RTL1: variants seen among roughly 807,000 people sequenced by gnomAD.
RTL1 encodes retrotransposon Gag like 1.
For missense variants in RTL1, 1,681 were observed against 1,767.5 expected, an observed-to-expected ratio of 0.95 and a Z score of 0.88; for synonymous variants, 727 against 748.4, an observed-to-expected ratio of 0.97 and a Z score of 0.47.
intron 3 of RTL1, among the ~76,000 whole-genome samples, chr14:100,889,977 C>T (rs564533264): frequency 4.0e-5 from 6 of 151,300 alleles, no homozygotes; most frequent in Non-Finnish European, 5.9e-5. Flanking sequence ...AAATCATATT[C>T]TCAGTCCTTC....
In RTL1 at chr14:100,881,962, C is replaced by T; in HGVS notation, c.2827G>A (p.Glu943Lys). 1.2e-6 allele frequency: 2 copies of T among 1,613,804 alleles called. No individual in the cohort carries two copies. The highest frequency in any genetic ancestry group is 2.2e-5 in the East Asian group (1 of 44,872). Residue 943 changes from glutamate to lysine, a missense_variant, in exon 4 of 4, where the codon GAG becomes AAG. Transcript: ENST00000649591. The surrounding 1 kb of genome is among the most constrained non-coding windows in gnomAD (Gnocchi z 6.6). ...GTGTTGAGAAGGATCATGATGGGCT[C>T]CTCGGTGTTCTCCAGGTAGCGGCAC... is the stretch of plus-strand genomic sequence containing the variant. Reference protein sequence around the residue: ...VWCRYLENTEEPIMILLNTED... With the variant: ...VWCRYLENTEKPIMILLNTED...
rs531857836 is a variant in RTL1, at chr14:100,893,521, A to G, written c.-148-16T>C. On this transcript the variant is annotated splice_polypyrimidine_tract_variant and intron_variant, in intron 2 of 3. Transcript: ENST00000649591. This position sits in a 1 kb window ranked among gnomAD's most constrained non-coding sequence, Gnocchi z 4.2. ...TCGCTGCTTGCTAAAAAGTTATTGAATACATTTGTTTCTTTAATTGTGAAA... is the reference window on the plus strand; with the variant it reads ...TCGCTGCTTGCTAAAAAGTTATTGAGTACATTTGTTTCTTTAATTGTGAAA... Among the ~76,000 whole-genome samples the G allele has an allele frequency of 6.6e-6, 1 of 152,254 alleles. No individual in the cohort carries two copies. Among genetic ancestry groups the G allele is most frequent in the African/African-American group, 2.4e-5 (1 of 41,538 alleles).
In RTL1 at chr14:100,893,497, C is replaced by T. The variant is rs117390867; in HGVS notation, c.-140G>A. Among the ~76,000 whole-genome samples, 2 of 152,260 alleles carry T rather than the reference C, an allele frequency of 1.3e-5. No individual in the cohort carries two copies. Among genetic ancestry groups the T allele is most frequent in the African/African-American group, 4.8e-5 (2 of 41,548 alleles). ...CTCCCGTCCTGTGCCACTCGATCCTCGCTGCTTGCTAAAAAGTTATTGAAT... is the reference window on the plus strand; with the variant it reads ...CTCCCGTCCTGTGCCACTCGATCCTTGCTGCTTGCTAAAAAGTTATTGAAT... On this transcript the variant is annotated 5_prime_UTR_variant, in exon 3 of 4. Transcript: ENST00000649591. This position sits in a 1 kb window ranked among gnomAD's most constrained non-coding sequence, Gnocchi z 4.2.
intron 2 of RTL1, among the ~76,000 whole-genome samples, chr14:100,901,060 G>C (rs2038934828): frequency 6.6e-6 from 1 of 152,216 alleles, no homozygotes; most frequent in African/African-American, 2.4e-5. Flanking sequence ...GCAACACGAT[G>C]CTGCCCCCCC....
rs1203985358 is a variant in RTL1, at chr14:100,883,349, C to A, written c.1440G>T (p.Val480=). The change falls in exon 4 of 4, where the codon GTG becomes GTT. Residue 480 remains valine, a synonymous_variant. Coordinates refer to ENST00000649591, the MANE Select transcript of RTL1 (RefSeq NM_001134888.3). This position sits in a 1 kb window ranked among gnomAD's most constrained non-coding sequence, Gnocchi z 5.9. The part of the protein sequence containing the change: ...EPVWLYTEPL[V]CIHQNHQESI... ...ACTCCTGGTGGTTCTGGTGGATACACACCAGGGGCTCCGTGTAGAGCCAGA... is the reference window on the plus strand; with the variant it reads ...ACTCCTGGTGGTTCTGGTGGATACAAACCAGGGGCTCCGTGTAGAGCCAGA... The A allele has an allele frequency of 6.4e-7, 1 of 1,551,410 alleles. No individual in the cohort carries two copies.
chr14:100,890,074 G>GAAAAAAAAA (rs55688942), intron 3 of RTL1, among the ~76,000 whole-genome samples: 7 of 123,890 alleles, frequency 5.7e-5, no homozygotes, highest in Non-Finnish European at 6.7e-5. Flanking sequence ...CGCCTTATTT[G>GAAAAAAAAA]AAAAAAAAAA....
chr14:100,882,678 G>A lies in RTL1; in HGVS notation c.2111C>T (p.Ala704Val), dbSNP rs1196286736. ...AGGTATGATAGGGTCTGGGGAGAGC[G>A]CAAACGGCTGGTAGCTCTTCATCTC... The part of the protein sequence containing the change: ...LEEMKSYQPF[A>V]LSPDPIIPQN... Residue 704 changes from alanine to valine, a missense_variant, in exon 4 of 4, where the codon GCG becomes GTG. Ala to Val is a moderately conservative substitution (Grantham distance 64, BLOSUM62 0). Transcript: ENST00000649591. 1.4e-5 allele frequency: 21 copies of A among 1,551,774 alleles called. No homozygotes were observed. Among genetic ancestry groups the A allele is most frequent in the East Asian group, 7.3e-5 (3 of 40,924 alleles).
rs747963078 is a variant in RTL1 at position 100,882,278 on chromosome 14, C to A, written c.2511G>T (p.Leu837=). 3.9e-6 allele frequency: 6 copies of A among 1,551,492 alleles called. No homozygotes were observed. Among genetic ancestry groups the A allele is most frequent in the Non-Finnish European group, 4.4e-6 (5 of 1,147,020 alleles). ...CCCAGTAGAACTGGTAGGAGCTCAG[C>A]AGCTGCCGCACCAGGGGCTCTGCGA... ...SIIAEPLVRQ[L]LSSYQFYWGV... The change falls in exon 4 of 4, where the codon CTG becomes CTT. Residue 837 remains leucine (L), a synonymous_variant. Coordinates refer to ENST00000649591, the MANE Select transcript of RTL1 (RefSeq NM_001134888.3).
At position 100,886,606 on chromosome 14, in the gene RTL1, G is replaced by C. The variant is rs140953206; in HGVS notation, c.-86-1732C>G. On this transcript the variant is annotated intron_variant, in intron 3 of 3. Coordinates refer to ENST00000649591, the MANE Select transcript of RTL1 (RefSeq NM_001134888.3). ...TAAGAATCATCATCATCATCATCAT[G>C]ATGTACATAGCACATTGCAGAAATT... Among the ~76,000 whole-genome samples the C allele has an allele frequency of 5.5e-3, 844 of 152,198 alleles. 9 individuals are homozygous for C. Among genetic ancestry groups the C allele is most frequent in the Middle Eastern group, 0.01 (3 of 294 alleles).
Position 100,880,806 on chromosome 14 carries a change from C to G in RTL1, c.3983G>C (p.Arg1328Pro). The change falls in exon 4 of 4, where the codon CGG (arginine) becomes CCG (proline). Residue 1328 changes from arginine (R) to proline (P), a missense_variant. Physicochemically the swap from Arg to Pro is moderately radical, Grantham distance 103. Transcript: ENST00000649591. ...LSQFLTLIYR[R>P]ALPIPAWESQ... Reference sequence around the variant, plus strand: ...CTCCCAGGCGGGGATGGGCAGGGCCCGCCTGTAGATCAGGGTCAGGAACTG... The same window carrying G: ...CTCCCAGGCGGGGATGGGCAGGGCCGGCCTGTAGATCAGGGTCAGGAACTG... The G allele has an allele frequency of 6.4e-7, 1 of 1,550,652 alleles. No homozygotes were observed. The highest frequency in any genetic ancestry group is 8.7e-7 in the Non-Finnish European group (1 of 1,146,958).
intron 3 of RTL1, among the ~76,000 whole-genome samples, chr14:100,887,666 G>T: frequency 6.6e-6 from 1 of 151,860 alleles, no homozygotes; most frequent in Non-Finnish European, 1.5e-5. Flanking sequence ...TGAGGCGGGA[G>T]AATCGCTTGA....
intron 3 of RTL1, among the ~76,000 whole-genome samples, chr14:100,888,970 C>T (rs2038730768): frequency 6.6e-6 from 1 of 152,130 alleles, no homozygotes; most frequent in Admixed American, 6.5e-5. Flanking sequence ...TTTACAATTT[C>T]CAGTGTTTCC....
chr14:100,884,879 T>A lies in RTL1; in HGVS notation c.-86-5A>T. 8.0e-7 allele frequency: 1 copy of A among 1,243,740 alleles called. No homozygotes were observed. The highest frequency in any genetic ancestry group is 1.1e-6 in the Non-Finnish European group (1 of 900,940). The allele number at this position is 1,243,740 out of a possible 1,614,324, so 77.0% of individuals were successfully genotyped here. ...TGGGACCGTGGAGATCAGAACCTGGTGGTGGAAGGGGAGTGTGGGGAGTAA... is the reference window on the plus strand; with the variant it reads ...TGGGACCGTGGAGATCAGAACCTGGAGGTGGAAGGGGAGTGTGGGGAGTAA... On this transcript the variant is annotated splice_polypyrimidine_tract_variant and splice_region_variant and intron_variant, in intron 3 of 3. Coordinates refer to ENST00000649591, the MANE Select transcript of RTL1 (RefSeq NM_001134888.3).
rs778480584 is a variant in RTL1 at position 100,881,445 on chromosome 14, AC to A, written c.3343del (p.Val1115TrpfsTer39). 6.4e-7 allele frequency: 1 copy of A among 1,550,702 alleles called. No individual in the cohort carries two copies. The highest frequency in any genetic ancestry group is 1.2e-5 in the South Asian group (1 of 84,038). On this transcript the variant is annotated frameshift_variant, in exon 4 of 4. Transcript: ENST00000649591. LOFTEE classifies it low-confidence loss of function (END_TRUNC). The surrounding 1 kb of genome is among the most constrained non-coding windows in gnomAD (Gnocchi z 6.6). Reference protein sequence around the residue: ...LSLRPAPAMRVARPQPQRSLR... With the variant: ...LSLRPAPAMRXARPQPQRSLR... The stretch of plus-strand genomic sequence containing the variant: ...GGAGCGCTGGGGCTGGGGCCGAGCC[AC>A]CCGCATGGCGGGTGCCGGCCGCAGC...
rs111241221 is a variant in RTL1 at position 100,881,425 on chromosome 14, G to T, written c.3364C>A (p.Arg1122Ser). Reference sequence around the variant, plus strand: ...GAATCCAGGATGAGTCGTAGGGAGCGCTGGGGCTGGGGCCGAGCCACCCGC... The same window carrying T: ...GAATCCAGGATGAGTCGTAGGGAGCTCTGGGGCTGGGGCCGAGCCACCCGC... ...AMRVARPQPQ[R>S]SLRLILDSSL... Residue 1122 changes from arginine (R) to serine (S), a missense_variant, in exon 4 of 4, where the codon CGC becomes AGC. Coordinates refer to ENST00000649591, the MANE Select transcript of RTL1 (RefSeq NM_001134888.3). The surrounding 1 kb of genome is among the most constrained non-coding windows in gnomAD (Gnocchi z 6.6). 2 of 1,550,648 alleles carry T rather than the reference G, an allele frequency of 1.3e-6. No individual in the cohort carries two copies. Among genetic ancestry groups the T allele is most frequent in the East Asian group, 2.4e-5 (1 of 40,920 alleles).
chr14:100,903,427 G>C lies in RTL1; in HGVS notation c.-244-41C>G, dbSNP rs927262738. 2.6e-5 allele frequency among the ~76,000 whole-genome samples: 4 copies of C among 152,128 alleles called. No homozygotes were observed. In the East Asian group the frequency reaches 7.7e-4, roughly 29 times the overall value. On this transcript the variant is annotated intron_variant, in intron 1 of 3. Coordinates refer to ENST00000649591, the MANE Select transcript of RTL1 (RefSeq NM_001134888.3). ...AACAGGGAATAAGACACTGGAAATTGAGGTGATCAAGAGGGGGTGCAGGCA... is the reference window on the plus strand; with the variant it reads ...AACAGGGAATAAGACACTGGAAATTCAGGTGATCAAGAGGGGGTGCAGGCA...
At chr14:100,890,448 G>A (rs1187106874) in intron 3 of RTL1, among the ~76,000 whole-genome samples, 18 of 151,626 alleles carry the variant, frequency 1.2e-4, no homozygotes, top group South Asian at 6.3e-4. Flanking sequence ...TGAGCCTGGG[G>A]CGGGGGGCCG....
chr14:100,884,537 T>A lies in RTL1; in HGVS notation c.252A>T (p.Pro84=). ...LQDMEEPSSG[P]RKEIEDPPND... ...TGGGTGGATCCTCTATTTCCTTACG[T>A]GGGCCACTGGATGGCTCCTCCATGT... The change falls in exon 4 of 4, where the codon CCA becomes CCT. Residue 84 remains proline (P), a synonymous_variant. Transcript: ENST00000649591. 1 of 1,613,476 alleles carries A rather than the reference T, an allele frequency of 6.2e-7. No homozygotes were observed.
In RTL1 at chr14:100,903,650, T is replaced by A. The variant is rs2038972739; in HGVS notation, c.-290A>T. 6.6e-6 allele frequency among the ~76,000 whole-genome samples: 1 copy of A among 152,130 alleles called. No individual in the cohort carries two copies. The highest frequency in any genetic ancestry group is 2.4e-5 in the African/African-American group (1 of 41,430). On this transcript the variant is annotated 5_prime_UTR_variant, in exon 1 of 4. Coordinates refer to ENST00000649591, the MANE Select transcript of RTL1 (RefSeq NM_001134888.3). ...GCTGGGCCAGGATGGAACCCCAGAC[T>A]CTCCGAGGCTCCCCACCACACCCTG...
Sources: allele counts gnomAD v4.1 joint callset (sites outside exome capture counted in the v4.1 genomes callset), GRCh38; gene constraint gnomAD v4.1.1; non-coding constraint Gnocchi (gnomAD v3.1); transcripts MANE v1.5; gene names NCBI Gene and HGNC (gene_info 2026-07-23, HGNC 2026-07-21).